The following PRRC2B variants were observed in gnomAD, a reference collection of about 807,000 sequenced individuals.
PRRC2B encodes protein PRRC2B.
A neutral mutation model predicts 242.3 loss-of-function variants in PRRC2B; 68 were observed. The observed-to-expected ratio is 0.28, with a 90% CI of 0.23 to 0.34. PRRC2B has a LOEUF of 0.34. Ranked by LOEUF, PRRC2B falls within the 10% of genes least tolerant of loss-of-function variation. The pLI is 1.00. For missense variants in PRRC2B, 2,835 were observed against 2,954.8 expected, an observed-to-expected ratio of 0.96 and a Z score of 0.94; for synonymous variants, 1,228 against 1,173.6, an observed-to-expected ratio of 1.05 and a Z score of -0.95.
At chr9:131,477,646 C>T in intron 16 of PRRC2B, 98 bp from the exon 17 acceptor site, 4 of 724,738 alleles carry the variant, frequency 5.5e-6, no homozygotes, top group Non-Finnish European at 9.2e-6. Context: ...GGAAGTGGGC[C>T]TAGATCAGGG....
intron 1 of PRRC2B, among the ~76,000 whole-genome samples, chr9:131,404,748 T>C (rs1472917019): frequency 6.6e-6 from 1 of 152,252 alleles, no homozygotes; most frequent in Non-Finnish European, 1.5e-5. Flanking sequence ...CGGATTATGT[T>C]ATCTATTTTA....
intron 11 of PRRC2B, 122 bp downstream of exon 11, chr9:131,459,478 T>A: frequency 1.1e-6 from 1 of 918,560 alleles, no homozygotes; most frequent in Non-Finnish European, 1.6e-6. Context: ...TGTTAAAATG[T>A]TTTTTCATAG....
At chr9:131,409,654 C>G (rs1050252305) in intron 1 of PRRC2B, among the ~76,000 whole-genome samples, 5 of 152,208 alleles carry the variant, frequency 3.3e-5, no homozygotes, top group Admixed American at 2.0e-4. Flanking sequence ...GGTGCCAGAT[C>G]AAACTTACCG....
At chr9:131,409,958 G>A (rs1482203384) in intron 1 of PRRC2B, among the ~76,000 whole-genome samples, 1 of 152,218 alleles carries the variant, frequency 6.6e-6, no homozygotes, top group African/African-American at 2.4e-5. Flanking sequence ...ATTATTTGGA[G>A]GTGGAAAAGG....
chr9:131,477,653 A>G, intron 16 of PRRC2B, 91 bp from the exon 17 acceptor site: 1 of 758,502 alleles, frequency 1.3e-6, no homozygotes, highest in East Asian at 2.7e-5. Flanking sequence ...GGCCTAGATC[A>G]GGGTGCCGGG....
chr9:131,419,991 G>A (rs1837758461), intron 1 of PRRC2B, among the ~76,000 whole-genome samples: 1 of 152,162 alleles, frequency 6.6e-6, no homozygotes, highest in South Asian at 2.1e-4. Flanking sequence ...CCGGCAAGGG[G>A]CTTGCAACTA....
Position 131,499,762 on chromosome 9 carries a change from G to A in PRRC2B, c.*3888G>A, listed in dbSNP as rs1417004308. 6.6e-6 allele frequency: 1 copy of A among 152,190 alleles called. No individual in the cohort carries two copies. Among genetic ancestry groups the A allele is most frequent in the African/African-American group, 2.4e-5 (1 of 41,436 alleles). The allele number at this position is 152,190 out of a possible 1,614,324, so 9.4% of individuals were successfully genotyped here. On this transcript the variant is annotated 3_prime_UTR_variant, in exon 32 of 32. Transcript: ENST00000683519. Reference sequence around the variant, plus strand: ...CTGAAGCCTCAGAGTGGAAATTCCTGCTAAGGCTCTGTGTGGACGCCTTTC... The same window carrying A: ...CTGAAGCCTCAGAGTGGAAATTCCTACTAAGGCTCTGTGTGGACGCCTTTC...
intron 31 of PRRC2B, among the ~76,000 whole-genome samples, chr9:131,495,142 G>C (rs530698277): frequency 1.3e-5 from 2 of 151,898 alleles, no homozygotes; most frequent in Admixed American, 6.5e-5. Context: ...CAGACCTGGT[G>C]GGGGGCAGAT....
chr9:131,434,499 A>T (rs1189907681), intron 3 of PRRC2B, among the ~76,000 whole-genome samples: 1 of 152,260 alleles, frequency 6.6e-6, no homozygotes, highest in Non-Finnish European at 1.5e-5. Context: ...ATCAGGTGGC[A>T]AGTGGGCCCA....
At chr9:131,408,314 A>G (rs904780698) in intron 1 of PRRC2B, among the ~76,000 whole-genome samples, 3 of 152,180 alleles carry the variant, frequency 2.0e-5, no homozygotes, top group African/African-American at 7.2e-5. Context: ...GTAAAGAAAT[A>G]TTGGCCCCAG....
At chr9:131,480,560 G>A (rs1943829038) in intron 19 of PRRC2B, among the ~76,000 whole-genome samples, 1 of 151,960 alleles carries the variant, frequency 6.6e-6, no homozygotes, top group South Asian at 2.1e-4. Flanking sequence ...TCAGACCAGG[G>A]GTTGTGTCCA....
In PRRC2B at chr9:131,428,822, G is replaced by A. The variant is rs1442080893; in HGVS notation, c.-51-1272G>A. Among the ~76,000 whole-genome samples, 4 of 152,338 alleles carry A rather than the reference G, an allele frequency of 2.6e-5. No homozygotes were observed. The East Asian group carries it at 7.7e-4, about 29-fold the overall frequency. ...TGGGATTATAGGCATGAGCCACTGA[G>A]CCCATCAAGTGTTTGGTTTTTGGTA... On this transcript the variant is annotated intron_variant, in intron 1 of 31. Transcript: ENST00000683519.
At chr9:131,390,650 T>G (rs1422723121), upstream of PRRC2B, among the ~76,000 whole-genome samples, 2 of 149,044 alleles carry the variant, frequency 1.3e-5, no homozygotes, top group East Asian at 4.0e-4. Flanking sequence ...GCCTGGCTAA[T>G]TTTTTGTATT....
At chr9:131,440,390 C>T (rs1588252402) in intron 5 of PRRC2B, among the ~76,000 whole-genome samples, 1 of 151,976 alleles carries the variant, frequency 6.6e-6, no homozygotes. Flanking sequence ...TCACTGCAAC[C>T]TCCATAAGGT....
At chr9:131,471,866 T>C (rs1047010791) in intron 14 of PRRC2B, among the ~76,000 whole-genome samples, 2 of 152,232 alleles carry the variant, frequency 1.3e-5, no homozygotes, top group Admixed American at 6.5e-5. Context: ...AGCATGCTAA[T>C]TGTGTTGTGC....
Position 131,474,657 on chromosome 9 carries a change from C to T in PRRC2B, c.2528C>T (p.Pro843Leu). ...GAAAATGTTCAGGATGCAGGTGCTC[C>T]TGGGGGTCACACCCAAAACCTCAGG... The part of the protein sequence containing the change: ...PQENVQDAGA[P>L]GGHTQNLRCS... The change falls in exon 16 of 32, where the codon CCT becomes CTT. Residue 843 changes from proline to leucine, a missense_variant. This residue lies in a region of PRRC2B where 1,536 missense variants were observed against 1,483.1 expected (regional missense o/e 1.04). Coordinates refer to ENST00000683519, the MANE Select transcript of PRRC2B (RefSeq NM_013318.4). The T allele has an allele frequency of 6.2e-7, 1 of 1,613,724 alleles. No individual in the cohort carries two copies. The highest frequency in any genetic ancestry group is 8.5e-7 in the Non-Finnish European group (1 of 1,179,796).
In PRRC2B at chr9:131,399,884, C is replaced by G. The variant is rs142966708; in HGVS notation, c.-52+5621C>G. On this transcript the variant is annotated intron_variant, in intron 1 of 31. Coordinates refer to ENST00000683519, the MANE Select transcript of PRRC2B (RefSeq NM_013318.4). ...CGTAGACATTTAGATTATTGTTGCC[C>G]TCTTTTCCCTCCTATAAGAGAAACT... Among the ~76,000 whole-genome samples the G allele has an allele frequency of 3.3e-3, 495 of 152,204 alleles. 8 individuals are homozygous for G. Among genetic ancestry groups the G allele is most frequent in the East Asian group, 9.7e-3 (50 of 5,172 alleles).
At position 131,494,581 on chromosome 9, in the gene PRRC2B, C is replaced by G. The variant is rs1944280180; in HGVS notation, c.6555+95C>G. On this transcript the variant is annotated intron_variant, in intron 31 of 31. Transcript: ENST00000683519. This position sits in a 1 kb window ranked among gnomAD's most constrained non-coding sequence, Gnocchi z 4.3. ...GGACTGTCCAACCTATCTGAGCGCC[C>G]CCTGTCTAAAGACAGCCATGCCCTA... The G allele has an allele frequency of 2.9e-6, 2 of 690,976 alleles. No individual in the cohort carries two copies. The highest frequency in any genetic ancestry group is 2.8e-5 in the Admixed American group (1 of 35,270). 42.8% of individuals were successfully genotyped at this position (690,976 alleles called of 1,614,324 possible). A position where few individuals can be genotyped will look rare whatever the true frequency, so the allele number is the denominator to read the frequency against.
chr9:131,400,182 C>T (rs1195934419), intron 1 of PRRC2B, among the ~76,000 whole-genome samples: 1 of 152,140 alleles, frequency 6.6e-6, no homozygotes, highest in African/African-American at 2.4e-5. Flanking sequence ...ATCCTGGGCT[C>T]AAATGATCCT....
Sources: allele counts gnomAD v4.1 joint callset (sites outside exome capture counted in the v4.1 genomes callset), GRCh38; gene constraint gnomAD v4.1.1; regional missense constraint gnomAD v4.1.1; non-coding constraint Gnocchi (gnomAD v3.1); transcripts MANE v1.5; gene names NCBI Gene and HGNC (gene_info 2026-07-23, HGNC 2026-07-21).